RAVER2: variants seen among roughly 807,000 people sequenced by gnomAD.
RAVER2 encodes the protein ribonucleoprotein PTB-binding 2.
Under a neutral mutation model 78.1 loss-of-function variants are expected in RAVER2, and 46 were observed. The observed-to-expected ratio is 0.59, with a 90% CI of 0.46 to 0.75. The LOEUF is 0.75. RAVER2 is among the 30% of genes least tolerant of loss of function. RAVER2 has a pLI of 0.00. For synonymous variants in RAVER2, 311 were observed against 313.3 expected (o/e 0.99, Z 0.08); for missense variants, 793 against 837.5 (o/e 0.95, Z 0.66).
rs556464088 is a variant in RAVER2, at chr1:64,768,637, G to A, written c.250-19G>A. The A allele has an allele frequency of 3.0e-5, 44 of 1,465,452 alleles. No homozygotes were observed. Among genetic ancestry groups the A allele is most frequent in the Admixed American group, 2.1e-4 (12 of 58,308 alleles). The allele number at this position is 1,465,452 out of a possible 1,614,324, so 90.8% of individuals were successfully genotyped here. The stretch of plus-strand genomic sequence containing the variant: ...CTGCATTTGTATGTTTACTGAATTC[G>A]TGTTTTTTTCTCTTTCAGGAAGTTC... On this transcript the variant is annotated intron_variant, in intron 1 of 11. Coordinates refer to ENST00000294428, the Ensembl canonical transcript of RAVER2.
At chr1:64,832,090 A>G (rs1175900180) in exon 12 of RAVER2, 3 of 152,640 alleles carry the variant, frequency 2.0e-5, no homozygotes, top group Non-Finnish European at 4.4e-5. Context: ...GGAAAGGAAC[A>G]TGGGTTTCTG....
intron 1 of RAVER2, among the ~76,000 whole-genome samples, chr1:64,759,609 C>T (rs532942071): frequency 2.0e-5 from 3 of 151,322 alleles, no homozygotes; most frequent in East Asian, 3.9e-4. Flanking sequence ...CTTTGCCTCC[C>T]GGGTTCACGC....
intron 1 of RAVER2, among the ~76,000 whole-genome samples, chr1:64,767,121 A>G (rs978665307): frequency 6.6e-6 from 1 of 151,776 alleles, no homozygotes; most frequent in African/African-American, 2.4e-5. Flanking sequence ...ACCTTTTTTC[A>G]CTCAGCTTTG....
chr1:64,781,316 T>C (rs1055338480), intron 3 of RAVER2, 64 bp from the exon 4 acceptor site: 2 of 1,392,402 alleles, frequency 1.4e-6, no homozygotes, highest in African/African-American at 2.9e-5. Flanking sequence ...GAAAATTATA[T>C]ATCGTAAATA....
At chr1:64,796,819 G>T (rs774327092) in intron 5 of RAVER2, among the ~76,000 whole-genome samples, 2 of 151,592 alleles carry the variant, frequency 1.3e-5, no homozygotes, top group South Asian at 4.2e-4. Context: ...TTCCTTTTCT[G>T]GTTTTTTAAA....
chr1:64,807,988 T>C (rs1653491705), intron 9 of RAVER2, among the ~76,000 whole-genome samples: 1 of 152,208 alleles, frequency 6.6e-6, no homozygotes, highest in African/African-American at 2.4e-5. Context: ...TACATAGTAA[T>C]GCTGTTCTTT....
intron 5 of RAVER2, among the ~76,000 whole-genome samples, chr1:64,792,398 A>G (rs1652968695): frequency 6.6e-6 from 1 of 152,212 alleles, no homozygotes. Flanking sequence ...GTCCAAGATT[A>G]TGTATTAGTG....
At position 64,804,898 on chromosome 1, in the gene RAVER2, G is replaced by A. The variant is rs1316335616; in HGVS notation, c.1296+60G>A. ...TTCATTTCTTTTCTAGAATCAGGCT[G>A]TGGATCAGGTTGTTTATGAATTTTC... On this transcript the variant is annotated intron_variant, in intron 7 of 11. Coordinates refer to ENST00000294428, the Ensembl canonical transcript of RAVER2. The A allele has an allele frequency of 3.3e-6, 5 of 1,502,848 alleles. No homozygotes were observed. The Admixed American group carries it at 7.0e-5, about 21-fold the overall frequency. The allele number at this position is 1,502,848 out of a possible 1,614,324, so 93.1% of individuals were successfully genotyped here. A position where few individuals can be genotyped will look rare whatever the true frequency, so the allele number is the denominator to read the frequency against.
intron 5 of RAVER2, among the ~76,000 whole-genome samples, chr1:64,795,455 T>C (rs1393257117): frequency 1.5e-4 from 23 of 152,122 alleles, no homozygotes; most frequent in Admixed American, 1.4e-3. Flanking sequence ...GTATATCTTT[T>C]CAATTATTTT....
intron 1 of RAVER2, among the ~76,000 whole-genome samples, chr1:64,766,155 T>G (rs1320867651): frequency 3.3e-5 from 5 of 152,232 alleles, no homozygotes; most frequent in African/African-American, 1.2e-4. Flanking sequence ...TAAAGCTATC[T>G]AATACCAATT....
At chr1:64,817,178 GA>G (rs1653775896) in intron 11 of RAVER2, among the ~76,000 whole-genome samples, 1 of 152,194 alleles carries the variant, frequency 6.6e-6, no homozygotes, top group Non-Finnish European at 1.5e-5. Flanking sequence ...GGCCATCAGA[GA>G]AATGCAAATC....
At position 64,777,642 on chromosome 1, in the gene RAVER2, T is replaced by C. The variant is rs765740487; in HGVS notation, c.336T>C (p.Asn112=). 6 of 1,609,528 alleles carry C rather than the reference T, an allele frequency of 3.7e-6. No homozygotes were observed. In the South Asian group the frequency reaches 4.4e-5, roughly 12 times the overall value. ...TTCCAGCTTTTGTTACCTTATTGAA[T>C]GGGGAACAAGCCCAGAACGCAATTC... The change falls in exon 3 of 12, where the codon AAT becomes AAC. Residue 112 remains asparagine (N), a synonymous_variant. Transcript: ENST00000294428.
chr1:64,766,429 C>T (rs991984978), intron 1 of RAVER2, among the ~76,000 whole-genome samples: 2 of 152,086 alleles, frequency 1.3e-5, no homozygotes, highest in African/African-American at 4.8e-5. Context: ...CCACTTTTGC[C>T]TGGGTCAAAG....
intron 2 of RAVER2, among the ~76,000 whole-genome samples, chr1:64,771,507 G>T (rs984012166): frequency 6.6e-6 from 1 of 151,972 alleles, no homozygotes; most frequent in African/African-American, 2.4e-5. Context: ...TGGTCATTAC[G>T]TGGGTAAAGA....
chr1:64,772,314 A>G (rs187931255), intron 2 of RAVER2, among the ~76,000 whole-genome samples: 9 of 152,262 alleles, frequency 5.9e-5, no homozygotes, highest in African/African-American at 1.9e-4. Flanking sequence ...AAATTCTTCC[A>G]TAAAACCTAA....
chr1:64,748,895 TGGAACGATC>T (rs1300261152), intron 1 of RAVER2, among the ~76,000 whole-genome samples: 11 of 152,334 alleles, frequency 7.2e-5, no homozygotes, highest in African/African-American at 1.2e-4. Context: ...TGGAGTGCGG[TGGAACGATC>T]ACTGCTCACT....
intron 2 of RAVER2, 135 bp downstream of exon 2, chr1:64,768,857 C>A: frequency 3.4e-6 from 2 of 582,628 alleles, no homozygotes; most frequent in East Asian, 3.0e-5. Context: ...GAATGTAACC[C>A]ACACTGTCTA....
chr1:64,782,634 A>C (rs1256037770), intron 4 of RAVER2, among the ~76,000 whole-genome samples: 1 of 152,184 alleles, frequency 6.6e-6, no homozygotes, highest in Non-Finnish European at 1.5e-5. Context: ...GCATCTGGCA[A>C]CCCCAAAGAG....
At chr1:64,786,172 T>G (rs1652774218) in intron 4 of RAVER2, among the ~76,000 whole-genome samples, 1 of 152,166 alleles carries the variant, frequency 6.6e-6, no homozygotes, top group Admixed American at 6.5e-5. Context: ...CCTTTAGAGA[T>G]ATGTTCTTTT....
Sources: gnomAD v4.1 joint callset for allele counts (sites outside exome capture counted in the v4.1 genomes callset) on GRCh38, gnomAD v4.1.1 for gene constraint, MANE v1.5 for transcripts, NCBI Gene and HGNC (gene_info 2026-07-23, HGNC 2026-07-21) for gene names.